Variants in C12orf42 observed in about 807,000 individuals in gnomAD.
C12orf42 encodes the protein chromosome 12 open reading frame 42.
In C12orf42, 25 loss-of-function variants were observed where a neutral mutation model predicts 21.6. That is an observed-to-expected ratio of 1.16 (90% CI 0.84 to 1.62). The LOEUF is 1.62. C12orf42 is among the 40% of genes most tolerant of loss of function. The probability of loss-of-function intolerance (pLI) is 0.00; values close to 1 mark genes in which losing one functional copy is unlikely to be tolerated. For synonymous variants in C12orf42, 174 were observed against 175.0 expected, an observed-to-expected ratio of 0.99 and a Z score of 0.05; for missense variants, 483 against 459.3, an observed-to-expected ratio of 1.05 and a Z score of -0.47.
chr12:103,124,934 TAC>T, the C12orf42 span, among the ~76,000 whole-genome samples: 1 of 152,216 alleles, frequency 6.6e-6, no homozygotes, highest in Non-Finnish European at 1.5e-5. Flanking sequence ...TTGACCTTTA[TAC>T]ACACATTTTA....
chr12:103,553,083 C>T, the C12orf42 span, among the ~76,000 whole-genome samples: 9,963 of 152,124 alleles, frequency 0.065, 392 homozygotes, highest in East Asian at 0.14. Context: ...AAAGCCTGAC[C>T]ATATCAGGAG....
intron 3 of C12orf42, among the ~76,000 whole-genome samples, chr12:103,382,022 G>A (rs1451888846): frequency 6.6e-6 from 1 of 152,124 alleles, no homozygotes; most frequent in Non-Finnish European, 1.5e-5. Context: ...ACAATTAAAT[G>A]ACAATATTCA....
the C12orf42 span, among the ~76,000 whole-genome samples, chr12:103,226,364 G>A: frequency 1.3e-5 from 2 of 152,078 alleles, no homozygotes; most frequent in African/African-American, 2.4e-5. Flanking sequence ...ATTTAATGTC[G>A]GGAGCAGATT....
At chr12:103,429,588 T>C (rs562180257) in intron 2 of C12orf42, among the ~76,000 whole-genome samples, 140 of 152,248 alleles carry the variant, frequency 9.2e-4, no homozygotes, top group African/African-American at 3.2e-3. Flanking sequence ...CAAGCTACCA[T>C]TGACTTTCTT....
intron 1 of C12orf42, 88 bp from the exon 2 acceptor site, chr12:103,478,535 A>C (rs1343920950): frequency 2.2e-5 from 13 of 579,848 alleles, no homozygotes; most frequent in Non-Finnish European, 3.1e-5. Flanking sequence ...TAAGAGCCAG[A>C]ATCATCCTAT....
chr12:103,282,100 A>G (rs1054445216), intron 4 of C12orf42, among the ~76,000 whole-genome samples: 1 of 152,234 alleles, frequency 6.6e-6, no homozygotes, highest in Non-Finnish European at 1.5e-5. Flanking sequence ...ACTTCTGGTC[A>G]TTTAAAATCA....
intron 4 of C12orf42, among the ~76,000 whole-genome samples, chr12:103,355,846 T>C (rs997453463): frequency 6.6e-6 from 1 of 152,098 alleles, no homozygotes; most frequent in African/African-American, 2.4e-5. Context: ...ATCCTTTCCC[T>C]TTTCTTGAAA....
At chr12:103,230,433 G>A in the C12orf42 span, among the ~76,000 whole-genome samples, 1 of 152,188 alleles carries the variant, frequency 6.6e-6, no homozygotes, top group African/African-American at 2.4e-5. Flanking sequence ...ATATAGTCAT[G>A]GATGTGATAG....
chr12:103,443,642 A>C (rs538926032), intron 2 of C12orf42, among the ~76,000 whole-genome samples: 1 of 152,112 alleles, frequency 6.6e-6, no homozygotes, highest in African/African-American at 2.4e-5. Context: ...TCTGCAGGTC[A>C]AACAAAACAT....
chr12:103,334,308 GAACA>G (rs1176935998), intron 4 of C12orf42, among the ~76,000 whole-genome samples: 7 of 152,114 alleles, frequency 4.6e-5, no homozygotes, highest in African/African-American at 7.2e-5. Flanking sequence ...AACAGGAAGA[GAACA>G]AATAAGGAGT....
chr12:103,193,604 A>G, the C12orf42 span, among the ~76,000 whole-genome samples: 1 of 152,138 alleles, frequency 6.6e-6, no homozygotes, highest in Non-Finnish European at 1.5e-5. Context: ...TAAGAAATGT[A>G]TAAATTCCTA....
Position 103,341,351 on chromosome 12 carries a change from G to A in C12orf42, c.259+27536C>T, listed in dbSNP as rs911538975. Among the ~76,000 whole-genome samples, 3 of 151,864 alleles carry A rather than the reference G, an allele frequency of 2.0e-5. No homozygotes were observed. In the East Asian group the frequency reaches 5.8e-4, roughly 29 times the overall value. On this transcript the variant is annotated intron_variant, in intron 4 of 5. Coordinates refer to ENST00000548883, the MANE Select transcript of C12orf42 (RefSeq NM_198521.5). ...ACTATATCCTATCCTTGGTGACACA[G>A]CAAAAACCCTCCTCCAAAATTAAAA...
the C12orf42 span, among the ~76,000 whole-genome samples, chr12:103,229,433 G>A: frequency 2.5e-4 from 38 of 152,168 alleles, no homozygotes; most frequent in African/African-American, 9.2e-4. Flanking sequence ...TGTTTGGGAA[G>A]GTGAGGGAAG....
chr12:103,464,415 G>GTTTT (rs201619152), intron 2 of C12orf42, among the ~76,000 whole-genome samples: 1 of 74,014 alleles, frequency 1.4e-5, no homozygotes, highest in Non-Finnish European at 3.0e-5. Flanking sequence ...TTTTTAATGG[G>GTTTT]GTTTTTTTTT....
At chr12:103,463,424 T>C (rs1952876350) in intron 2 of C12orf42, among the ~76,000 whole-genome samples, 3 of 152,154 alleles carry the variant, frequency 2.0e-5, no homozygotes, top group African/African-American at 7.2e-5. Flanking sequence ...TCCATGTATA[T>C]CACATATAGT....
intron 3 of C12orf42, among the ~76,000 whole-genome samples, chr12:103,373,235 G>A (rs1003719898): frequency 1.3e-5 from 2 of 152,144 alleles, no homozygotes; most frequent in African/African-American, 2.4e-5. Context: ...CGCACCTCAC[G>A]CCACAGGCCA....
At chr12:103,380,929 A>T (rs959037371) in intron 3 of C12orf42, among the ~76,000 whole-genome samples, 4 of 152,174 alleles carry the variant, frequency 2.6e-5, no homozygotes, top group Non-Finnish European at 5.9e-5. Context: ...ATCACTCCAA[A>T]TTGTATATAT....
chr12:103,296,571 G>T (rs538139001), intron 4 of C12orf42, among the ~76,000 whole-genome samples: 1 of 152,268 alleles, frequency 6.6e-6, no homozygotes, highest in African/African-American at 2.4e-5. Flanking sequence ...GTGTGAGATG[G>T]TATCTCATTG....
chr12:103,437,678 AC>A (rs1950844595), intron 2 of C12orf42, among the ~76,000 whole-genome samples: 1 of 151,720 alleles, frequency 6.6e-6, no homozygotes, highest in Non-Finnish European at 1.5e-5. Context: ...ATTCCTCGAC[AC>A]ATACACTCTC....
Sources: allele counts gnomAD v4.1 joint callset (sites outside exome capture counted in the v4.1 genomes callset), GRCh38; gene constraint gnomAD v4.1.1; transcripts MANE v1.5; gene names NCBI Gene and HGNC (gene_info 2026-07-23, HGNC 2026-07-21).